The following PDE4D variants were observed in gnomAD, a reference collection of about 807,000 sequenced individuals.
PDE4D encodes 3',5'-cyclic-AMP phosphodiesterase 4D.
PDE4D carries 24 observed loss-of-function variants against 87.4 expected under a neutral mutation model. The ratio of observed to expected loss-of-function variants is 0.27; its 90% confidence interval spans 0.20 to 0.39. PDE4D has a LOEUF of 0.39. Among genes scored for constraint, PDE4D ranks in the 10% least tolerant of loss-of-function variants. The pLI, the probability that PDE4D is intolerant of heterozygous loss-of-function variation, is 1.00. For synonymous variants in PDE4D, 384 were observed against 383.2 expected (o/e 1.00, Z -0.02); for missense variants, 714 against 1,041.0 (o/e 0.69, Z 4.32).
chr5:60,440,069 T>C (rs528173534), intron 1 of PDE4D, among the ~76,000 whole-genome samples: 2 of 152,244 alleles, frequency 1.3e-5, no homozygotes, highest in South Asian at 4.1e-4. Context: ...TGTGAGTTTC[T>C]AAATGTGCCA....
At chr5:59,803,866 T>C (rs919179497) in intron 1 of PDE4D, among the ~76,000 whole-genome samples, 14 of 152,124 alleles carry the variant, frequency 9.2e-5, no homozygotes, top group African/African-American at 3.4e-4. Flanking sequence ...AGAAAATTAG[T>C]TGTTTTAAAA....
At chr5:59,371,593 G>A (rs1032975467) in intron 1 of PDE4D, among the ~76,000 whole-genome samples, 11 of 152,116 alleles carry the variant, frequency 7.2e-5, no homozygotes, top group African/African-American at 2.7e-4. Flanking sequence ...ACTTTGTTTA[G>A]CTGAAAAAAA....
intron 1 of PDE4D, among the ~76,000 whole-genome samples, chr5:59,218,894 G>A (rs577559051): frequency 6.6e-6 from 1 of 151,752 alleles, no homozygotes; most frequent in East Asian, 1.9e-4. Flanking sequence ...GTCCTTTGTA[G>A]GGACATGGAT....
intron 1 of PDE4D, among the ~76,000 whole-genome samples, chr5:60,314,761 T>A (rs1755394533): frequency 6.6e-6 from 1 of 152,120 alleles, no homozygotes; most frequent in Non-Finnish European, 1.5e-5. Context: ...TTTGTGATAG[T>A]TTGCTGAGAA....
chr5:59,653,899 GA>G (rs1444519066), intron 1 of PDE4D, among the ~76,000 whole-genome samples: 1 of 150,232 alleles, frequency 6.7e-6, no homozygotes, highest in African/African-American at 2.4e-5. Context: ...AGAAGGGTGG[GA>G]GGGGAGGGGA....
intron 1 of PDE4D, among the ~76,000 whole-genome samples, chr5:59,756,022 T>C (rs1480221952): frequency 1.3e-5 from 2 of 151,354 alleles, no homozygotes; most frequent in Non-Finnish European, 2.9e-5. Context: ...TTTAACTGTA[T>C]AAAAATATTT....
intron 1 of PDE4D, among the ~76,000 whole-genome samples, chr5:59,504,545 C>T (rs778505226): frequency 6.6e-6 from 1 of 152,080 alleles, no homozygotes; most frequent in African/African-American, 2.4e-5. Flanking sequence ...TGTTCTCATA[C>T]AATTTAATTT....
At chr5:59,160,350 TA>T (rs1780875593) in intron 5 of PDE4D, among the ~76,000 whole-genome samples, 4 of 152,204 alleles carry the variant, frequency 2.6e-5, no homozygotes, top group Admixed American at 2.6e-4. Flanking sequence ...ATATTTTTTG[TA>T]ACTATCTCTT....
At chr5:59,792,444 A>G (rs1561669639) in intron 1 of PDE4D, among the ~76,000 whole-genome samples, 2 of 62,978 alleles carry the variant, frequency 3.2e-5, no homozygotes, top group African/African-American at 1.8e-4. Flanking sequence ...GTGTGTTTTG[A>G]GGAAGTGGGC....
At chr5:60,471,138 C>T (rs750400238) in intron 1 of PDE4D, among the ~76,000 whole-genome samples, 2 of 152,008 alleles carry the variant, frequency 1.3e-5, no homozygotes, top group Non-Finnish European at 2.9e-5. Context: ...AGAAGTGATT[C>T]CACTTCTCAT....
chr5:59,332,984 G>A (rs1181471767), intron 1 of PDE4D, among the ~76,000 whole-genome samples: 1 of 152,148 alleles, frequency 6.6e-6, no homozygotes, highest in Admixed American at 6.6e-5. Flanking sequence ...AACACCTCCG[G>A]TGCCACCTAC....
At chr5:59,862,386 G>A (rs903124496) in intron 1 of PDE4D, among the ~76,000 whole-genome samples, 4 of 152,056 alleles carry the variant, frequency 2.6e-5, no homozygotes, top group African/African-American at 4.8e-5. Flanking sequence ...TTTGTCATGC[G>A]TATCCTCAGC....
At chr5:60,433,616 A>C (rs957023913) in intron 1 of PDE4D, among the ~76,000 whole-genome samples, 6 of 152,208 alleles carry the variant, frequency 3.9e-5, no homozygotes, top group Admixed American at 2.6e-4. Flanking sequence ...AATGATACAC[A>C]CATGCATATG....
intron 1 of PDE4D, among the ~76,000 whole-genome samples, chr5:59,402,685 T>TA (rs1387426608): frequency 6.6e-6 from 1 of 152,198 alleles, no homozygotes; most frequent in African/African-American, 2.4e-5. Flanking sequence ...AAATAATTAT[T>TA]AAACTAACCC....
rs866186200 is a variant in PDE4D at position 59,817,729 on chromosome 5, C to T, written c.455+75439G>A. ...ACAGGCATGCAGGCACGCGCGCGCG[C>T]GCACACACCCACACCCCCCCCCACA... On this transcript the variant is annotated intron_variant, in intron 1 of 14. Transcript: ENST00000340635. Among the ~76,000 whole-genome samples, 34 of 151,046 alleles carry T rather than the reference C, an allele frequency of 2.3e-4. 1 individual carries two copies. Among genetic ancestry groups the T allele is most frequent in the Middle Eastern group, 3.4e-3 (1 of 290 alleles).
intron 2 of PDE4D, among the ~76,000 whole-genome samples, chr5:60,018,406 G>C (rs1456886554): frequency 6.6e-6 from 1 of 151,980 alleles, no homozygotes; most frequent in African/African-American, 2.4e-5. Context: ...TAAAGACCAA[G>C]GACACTATAT....
intron 1 of PDE4D, among the ~76,000 whole-genome samples, chr5:59,537,215 C>T (rs1409099913): frequency 6.6e-6 from 1 of 152,142 alleles, no homozygotes; most frequent in Non-Finnish European, 1.5e-5. Flanking sequence ...ATAAAACAAG[C>T]TTTGACAGCT....
At chr5:59,741,080 T>C (rs1189102557) in intron 1 of PDE4D, among the ~76,000 whole-genome samples, 1 of 152,136 alleles carries the variant, frequency 6.6e-6, no homozygotes, top group African/African-American at 2.4e-5. Flanking sequence ...TGAGCAGAGA[T>C]ACTGAATCAA....
At chr5:59,152,369 A>T (rs901056786) in intron 5 of PDE4D, among the ~76,000 whole-genome samples, 5 of 152,152 alleles carry the variant, frequency 3.3e-5, no homozygotes, top group Non-Finnish European at 5.9e-5. Flanking sequence ...AATAATTTTA[A>T]CCTTAGTTTT....
Sources: gnomAD v4.1 joint callset for allele counts (sites outside exome capture counted in the v4.1 genomes callset) on GRCh38, gnomAD v4.1.1 for gene constraint, MANE v1.5 for transcripts, NCBI Gene and HGNC (gene_info 2026-07-23, HGNC 2026-07-21) for gene names.